The following TRIM37 variants were observed in gnomAD, a reference collection of about 807,000 sequenced individuals.
The protein encoded by TRIM37 is tripartite motif containing 37.
In TRIM37, 80 loss-of-function variants were observed where a neutral mutation model predicts 129.8. The observed-to-expected ratio is 0.62, with a 90% confidence interval of 0.51 to 0.74. TRIM37 has a LOEUF of 0.74. TRIM37 is among the 30% of genes least tolerant of loss of function. The pLI is 0.00. For synonymous variants in TRIM37, 389 were observed against 387.1 expected (o/e 1.00, Z -0.06); for missense variants, 1,054 against 1,176.5 (o/e 0.90, Z 1.52).
chr17:59,079,641 G>T, intron 7 of TRIM37, 113 bp downstream of exon 7: 1 of 1,328,084 alleles, frequency 7.5e-7, no homozygotes, highest in Non-Finnish European at 1.1e-6. Context: ...ACAACATGGA[G>T]TTGCCTAAAA....
At chr17:59,008,425 G>A (rs1020696665) in intron 22 of TRIM37, among the ~76,000 whole-genome samples, 1 of 152,162 alleles carries the variant, frequency 6.6e-6, no homozygotes, top group South Asian at 2.1e-4. Context: ...AAAATGTACC[G>A]ATCTTCACTA....
intron 24 of TRIM37, chr17:58,984,849 G>C (rs771174647): frequency 1.3e-5 from 2 of 152,416 alleles, no homozygotes; most frequent in African/African-American, 4.8e-5. Flanking sequence ...CACAGCAGTT[G>C]TTTTTGAAAA....
In TRIM37 at chr17:59,071,537, G is replaced by A. The variant is rs981225814; in HGVS notation, c.685-590C>T. ...CCTGACCTCATGATCCACCTGCCTC[G>A]GCCTCCCCAAGTGCTGGGATTACAT... On this transcript the variant is annotated intron_variant, in intron 8 of 23. Transcript: ENST00000262294. 7.2e-5 allele frequency among the ~76,000 whole-genome samples: 11 copies of A among 151,934 alleles called. No homozygotes were observed. The East Asian group carries it at 1.9e-3, about 27-fold the overall frequency.
At chr17:59,096,886 C>A (rs1053485270) in intron 2 of TRIM37, among the ~76,000 whole-genome samples, 2 of 152,106 alleles carry the variant, frequency 1.3e-5, no homozygotes, top group African/African-American at 4.8e-5. Context: ...TCAACAAAAT[C>A]CCAATAAAAC....
At chr17:59,032,534 A>AC (rs1346145457) in intron 17 of TRIM37, among the ~76,000 whole-genome samples, 1 of 146,210 alleles carries the variant, frequency 6.8e-6, no homozygotes, top group African/African-American at 2.5e-5. Flanking sequence ...TCCGTCTCAA[A>AC]AAAAAAAAAA....
Position 59,049,403 on chromosome 17 carries a change from CAAGAA to C in TRIM37, c.1315-15_1315-11del. 1 of 1,611,476 alleles carries C rather than the reference CAAGAA, an allele frequency of 6.2e-7. No individual in the cohort carries two copies. Among genetic ancestry groups the C allele is most frequent in the East Asian group, 2.2e-5 (1 of 44,864 alleles). On this transcript the variant is annotated splice_polypyrimidine_tract_variant and intron_variant, in intron 14 of 23. Coordinates refer to ENST00000262294, the MANE Select transcript of TRIM37 (RefSeq NM_015294.6). ...GCTCAATAGTAAGTCTCTTTTAAAA[CAAGAA>C]AAGCACAAATATTAGCCACAGCTCA...
At chr17:58,990,551 G>C (rs571285653) in intron 24 of TRIM37, among the ~76,000 whole-genome samples, 3 of 151,706 alleles carry the variant, frequency 2.0e-5, no homozygotes, top group Middle Eastern at 3.4e-3. Flanking sequence ...CCAGCACTTT[G>C]GGAGGCTGAG....
At chr17:59,006,089 TTGAC>T (rs1351298078) in intron 22 of TRIM37, among the ~76,000 whole-genome samples, 2 of 152,220 alleles carry the variant, frequency 1.3e-5, no homozygotes, top group African/African-American at 2.4e-5. Flanking sequence ...ATTAAACTTC[TTGAC>T]TAATTTTTTT....
At chr17:59,049,873 C>T (rs1468407168) in intron 14 of TRIM37, among the ~76,000 whole-genome samples, 1 of 152,140 alleles carries the variant, frequency 6.6e-6, no homozygotes, top group Non-Finnish European at 1.5e-5. Context: ...AGATAAACTG[C>T]CCCATTTATG....
intron 12 of TRIM37, 110 bp from the exon 13 acceptor site, chr17:59,057,164 GAT>G (rs2041020535): frequency 1.1e-6 from 1 of 869,970 alleles, no homozygotes; most frequent in Middle Eastern, 3.2e-4. Context: ...AAACCTTATT[GAT>G]ATACGCAGTT....
rs1310861133 is a variant in TRIM37 at position 59,001,511 on chromosome 17, G to T, written c.2812+87C>A. 2.6e-6 allele frequency: 4 copies of T among 1,542,342 alleles called. No individual in the cohort carries two copies. The East Asian group carries it at 6.8e-5, about 26-fold the overall frequency. On this transcript the variant is annotated intron_variant, in intron 23 of 23. Coordinates refer to ENST00000262294, the MANE Select transcript of TRIM37 (RefSeq NM_015294.6). ...AAGCAAAAGCAGTAGAGCGGAAAAA[G>T]TAGAAGTAGCAGCAGCAGAAGAAGA...
intron 22 of TRIM37, among the ~76,000 whole-genome samples, chr17:59,002,733 AT>A (rs1447754481): frequency 5.9e-5 from 9 of 152,210 alleles, no homozygotes; most frequent in Non-Finnish European, 1.2e-4. Flanking sequence ...ACAAAGAAAG[AT>A]AAGGAACTTT....
intron 8 of TRIM37, among the ~76,000 whole-genome samples, 188 bp downstream of exon 8, chr17:59,075,459 G>A (rs2042728132): frequency 6.6e-6 from 1 of 151,376 alleles, no homozygotes; most frequent in Non-Finnish European, 1.5e-5. Flanking sequence ...AGCTACTCAG[G>A]AGGCTGAGGC....
At chr17:58,974,384 G>T in the TRIM37 span, among the ~76,000 whole-genome samples, 11,217 of 152,140 alleles carry the variant, frequency 0.074, 928 homozygotes, top group African/African-American at 0.21. Context: ...GAGTTTCAAA[G>T]AACCCTATAT....
intron 5 of TRIM37, among the ~76,000 whole-genome samples, chr17:59,083,260 A>G (rs550987882): frequency 2.8e-4 from 43 of 152,116 alleles, no homozygotes; most frequent in African/African-American, 9.4e-4. Context: ...ACATGGAGAA[A>G]CCCCGTCTCT....
rs151189275 is a variant in TRIM37, at chr17:59,043,631, G to A, written c.1668-1733C>T. ...CAGGCACACACGGCCAAGAGGTGGA[G>A]ACTCCCTTCTGCTGAGACCCACTTG... is the stretch of plus-strand genomic sequence containing the variant. On this transcript the variant is annotated intron_variant, in intron 16 of 23. Coordinates refer to ENST00000262294, the MANE Select transcript of TRIM37 (RefSeq NM_015294.6). Among the ~76,000 whole-genome samples, 10 of 152,264 alleles carry A rather than the reference G, an allele frequency of 6.6e-5. No individual in the cohort carries two copies. In the East Asian group the frequency reaches 1.9e-3, roughly 29 times the overall value.
chr17:59,036,884 G>A (rs964973883), intron 17 of TRIM37, among the ~76,000 whole-genome samples: 2 of 151,876 alleles, frequency 1.3e-5, no homozygotes, highest in African/African-American at 2.4e-5. Context: ...AGGCTGAGGC[G>A]GGTGGATCAC....
At chr17:59,073,630 T>C (rs2042572720) in intron 8 of TRIM37, among the ~76,000 whole-genome samples, 1 of 152,162 alleles carries the variant, frequency 6.6e-6, no homozygotes, top group East Asian at 1.9e-4. Context: ...TTGCTATACT[T>C]CCCAGGCGAG....
intron 5 of TRIM37, among the ~76,000 whole-genome samples, chr17:59,082,767 C>T (rs2043408836): frequency 6.6e-6 from 1 of 152,136 alleles, no homozygotes; most frequent in African/African-American, 2.4e-5. Context: ...GCCAAAGTAT[C>T]CCATTATTGT....
Sources: gnomAD v4.1 joint callset for allele counts (sites outside exome capture counted in the v4.1 genomes callset) on GRCh38, gnomAD v4.1.1 for gene constraint, MANE v1.5 for transcripts, NCBI Gene and HGNC (gene_info 2026-07-23, HGNC 2026-07-21) for gene names.